MAN2A2: variants seen among roughly 807,000 people sequenced by gnomAD.
MAN2A2 encodes alpha-mannosidase 2x.
Under a neutral mutation model 126.8 loss-of-function variants are expected in MAN2A2, and 79 were observed. That is an observed-to-expected ratio of 0.62 (90% confidence interval 0.52 to 0.75). MAN2A2 has a LOEUF of 0.75. Ranked by LOEUF, MAN2A2 falls within the 30% of genes least tolerant of loss-of-function variation. The pLI, the probability that MAN2A2 is intolerant of heterozygous loss-of-function variation, is 0.00. For missense variants in MAN2A2, 1,392 were observed against 1,522.4 expected (o/e 0.91, Z 1.43); for synonymous variants, 671 against 618.7 (o/e 1.08, Z -1.25).
In MAN2A2 at chr15:90,911,467, C is replaced by A; in HGVS notation, c.2026C>A (p.Leu676Ile). The A allele has an allele frequency of 6.2e-7, 1 of 1,614,236 alleles. No homozygotes were observed. Among genetic ancestry groups the A allele is most frequent in the Non-Finnish European group, 8.5e-7 (1 of 1,180,050 alleles). Reference protein sequence around the residue: ...LLVNSPRVRVLSEEGQPLAVQ... With the variant: ...LLVNSPRVRVISEEGQPLAVQ... ...GGTCAACTCTCCCCGCGTGCGTGTC[C>A]TTTCGGAGGAGGGTCAGCCCCTGGC... The change falls in exon 14 of 23, where the codon CTT (leucine) becomes ATT (isoleucine). Residue 676 changes from leucine (L) to isoleucine (I), a missense_variant. Leu to Ile is a conservative substitution (Grantham distance 5). Coordinates refer to ENST00000559717, the MANE Select transcript of MAN2A2 (RefSeq NM_006122.4).
rs1194582249 is a variant in MAN2A2 at position 90,918,363 on chromosome 15, T to C, written c.3164T>C (p.Leu1055Pro). 1 of 1,613,990 alleles carries C rather than the reference T, an allele frequency of 6.2e-7. No individual in the cohort carries two copies. The highest frequency in any genetic ancestry group is 8.5e-7 in the Non-Finnish European group (1 of 1,179,984). The change falls in exon 21 of 23, where the codon CTC becomes CCC. Residue 1055 changes from leucine to proline, a missense_variant. Transcript: ENST00000559717. Reference protein sequence around the residue: ...ASSLPCDFHLLNLRTLQAEED... With the variant: ...ASSLPCDFHLPNLRTLQAEED... ...TCACTGCCCTGTGACTTCCACCTGC[T>C]CAACCTACGTACGCTCCAGGCTGAG...
chr15:90,902,827 C>T (rs908362033), upstream of MAN2A2: 12 of 146,532 alleles, frequency 8.2e-5, no homozygotes, highest in African/African-American at 2.2e-4. Flanking sequence ...GGGAGCGCGG[C>T]AGCGGCGCGC....
intron 2 of MAN2A2, 134 bp downstream of exon 2, chr15:90,904,473 C>G (rs2034096909): frequency 1.9e-6 from 2 of 1,026,168 alleles, no homozygotes; most frequent in Non-Finnish European, 2.7e-6. Flanking sequence ...GCCTTCCTTC[C>G]CAATAGTCAG....
rs775015931 is a variant in MAN2A2 at position 90,918,358 on chromosome 15, C to G, written c.3159C>G (p.His1053Gln). 1 of 1,614,170 alleles carries G rather than the reference C, an allele frequency of 6.2e-7. No homozygotes were observed. Among genetic ancestry groups the G allele is most frequent in the Non-Finnish European group, 8.5e-7 (1 of 1,180,012 alleles). Residue 1053 changes from histidine to glutamine, a missense_variant, in exon 21 of 23, where the codon CAC becomes CAG. By Grantham distance (24) the His-to-Gln change is conservative. Transcript: ENST00000559717. ...CTTCCTCACTGCCCTGTGACTTCCACCTGCTCAACCTACGTACGCTCCAGG... is the reference window on the plus strand; with the variant it reads ...CTTCCTCACTGCCCTGTGACTTCCAGCTGCTCAACCTACGTACGCTCCAGG... ...PLASSLPCDF[H>Q]LLNLRTLQAE...
At chr15:90,908,344 C>T (rs865817786) in intron 8 of MAN2A2, among the ~76,000 whole-genome samples, 4 of 152,294 alleles carry the variant, frequency 2.6e-5, no homozygotes, top group East Asian at 1.9e-4. Flanking sequence ...AAAGTACAAG[C>T]TGGGCCAGCG....
Position 90,906,027 on chromosome 15 carries a change from G to C in MAN2A2, c.707+11G>C. 2 of 1,613,462 alleles carry C rather than the reference G, an allele frequency of 1.2e-6. No homozygotes were observed. Among genetic ancestry groups the C allele is most frequent in the Non-Finnish European group, 1.7e-6 (2 of 1,179,990 alleles). ...AGCGGCAGTCCGAAGGCCAGTACCA[G>C]GCGGGGAGGCATGGGAGGGCATTGT... On this transcript the variant is annotated intron_variant, in intron 5 of 22. Transcript: ENST00000559717.
rs1248825792 is a variant in MAN2A2 at position 90,911,437 on chromosome 15, C to G, written c.1996C>G (p.Leu666Val). 8 of 1,614,246 alleles carry G rather than the reference C, an allele frequency of 5.0e-6. No individual in the cohort carries two copies. In the South Asian group the frequency reaches 7.7e-5, roughly 16 times the overall value. The part of the protein sequence containing the change: ...LEQERFSMVS[L>V]LVNSPRVRVL... ...ACAGGAGCGATTCAGCATGGTGTCCCTGCTGGTCAACTCTCCCCGCGTGCG... is the reference window on the plus strand; with the variant it reads ...ACAGGAGCGATTCAGCATGGTGTCCGTGCTGGTCAACTCTCCCCGCGTGCG... The change falls in exon 14 of 23, where the codon CTG becomes GTG. Residue 666 changes from leucine (L) to valine (V), a missense_variant. By Grantham distance (32) the Leu-to-Val change is conservative. Transcript: ENST00000559717.
rs2034796379 is a variant in MAN2A2 at position 90,912,101 on chromosome 15, G to T, written c.2168G>T (p.Gly723Val). 6.2e-7 allele frequency: 1 copy of T among 1,613,392 alleles called. No individual in the cohort carries two copies. The highest frequency in any genetic ancestry group is 1.3e-5 in the African/African-American group (1 of 75,022). The change falls in exon 15 of 23, where the codon GGC (glycine) becomes GTC (valine). Residue 723 changes from glycine to valine, a missense_variant. Gly to Val is a moderately radical substitution (Grantham distance 109). Transcript: ENST00000559717. ...CTGGGCGTGCTGCAGCTACAGCTGG[G>T]CCTGGATGGGCACCGCACGCTGCCC... The part of the protein sequence containing the change: ...LGLGVLQLQL[G>V]LDGHRTLPSS...
chr15:90,922,252 G>T lies in MAN2A2; in HGVS notation c.*2465G>T, dbSNP rs2035576027. The stretch of plus-strand genomic sequence containing the variant: ...TCAGGGTCCTTAGAGAAAGTCACTG[G>T]GGCCTGCCAAGCTGCCACCTAAAGA... On this transcript the variant is annotated 3_prime_UTR_variant, in exon 23 of 23. Coordinates refer to ENST00000559717, the MANE Select transcript of MAN2A2 (RefSeq NM_006122.4). 6.6e-6 allele frequency: 1 copy of T among 152,132 alleles called. No individual in the cohort carries two copies. Among genetic ancestry groups the T allele is most frequent in the African/African-American group, 2.4e-5 (1 of 41,412 alleles). 9.4% of individuals were successfully genotyped at this position (152,132 alleles called of 1,614,324 possible). A position where few individuals can be genotyped will look rare whatever the true frequency, so the allele number is the denominator to read the frequency against.
intron 7 of MAN2A2, 114 bp downstream of exon 7, chr15:90,907,027 T>C (rs2034353095): frequency 7.5e-7 from 1 of 1,330,890 alleles, no homozygotes; most frequent in Admixed American, 1.9e-5. Flanking sequence ...CAGGCACTGG[T>C]GTGGACTGCC....
Position 90,912,231 on chromosome 15 carries a change from C to T in MAN2A2, c.2298C>T (p.Ser766=), listed in dbSNP as rs1432285042. ...CTGGCACCAGCGACTTCGCCCTCAGCAACCGCTACATGCAGGTCTGGTTCT... is the reference window on the plus strand; with the variant it reads ...CTGGCACCAGCGACTTCGCCCTCAGTAACCGCTACATGCAGGTCTGGTTCT... The part of the protein sequence containing the change: ...IDSGTSDFAL[S]NRYMQVWFSG... Residue 766 remains serine (S), a synonymous_variant, in exon 15 of 23, where the codon AGC becomes AGT. Coordinates refer to ENST00000559717, the MANE Select transcript of MAN2A2 (RefSeq NM_006122.4). 6.2e-7 allele frequency: 1 copy of T among 1,614,240 alleles called. No homozygotes were observed. The highest frequency in any genetic ancestry group is 8.5e-7 in the Non-Finnish European group (1 of 1,180,048).
Position 90,913,678 on chromosome 15 carries a change from T to C in MAN2A2, c.2783T>C (p.Met928Thr), listed in dbSNP as rs1005329748. 6.8e-6 allele frequency: 11 copies of C among 1,611,408 alleles called. No individual in the cohort carries two copies. The highest frequency in any genetic ancestry group is 9.3e-6 in the Non-Finnish European group (11 of 1,178,946). ...LQANFYPMPV[M>T]AYIQDAQKRL... ...GCCAACTTCTACCCCATGCCAGTCA[T>C]GGCCTATATCCAGGACGCACAGAAG... The change falls in exon 19 of 23, where the codon ATG becomes ACG. Residue 928 changes from methionine to threonine, a missense_variant. Physicochemically the swap from Met to Thr is moderately conservative, Grantham distance 81. Coordinates refer to ENST00000559717, the MANE Select transcript of MAN2A2 (RefSeq NM_006122.4).
rs1266493 is a variant in MAN2A2 at position 90,911,594 on chromosome 15, G to A, written c.2109+44G>A. On this transcript the variant is annotated intron_variant, in intron 14 of 22. Transcript: ENST00000559717. ...AGGTGGGCCTGGCCCTCTGCCCGTC[G>A]TGGGCCCCTCCCCGCCCGGCGACGC... The A allele has an allele frequency of 2.3e-3, 3,609 of 1,567,426 alleles. 83 individuals are homozygous for A. The African/African-American group carries it at 0.043, about 19-fold the overall frequency.
rs199796420 is a variant in MAN2A2, at chr15:90,905,484, C to T, written c.366C>T (p.Gly122=). The T allele has an allele frequency of 9.3e-6, 15 of 1,613,870 alleles. No homozygotes were observed. Among genetic ancestry groups the T allele is most frequent in the Middle Eastern group, 1.6e-4 (1 of 6,082 alleles). ...AGGACTGCCAGTTTGCTTTGGGGGG[C>T]CGGGGTCAGAAGCCAGAGCTGCAGG... The part of the protein sequence containing the change: ...SPQDCQFALG[G]RGQKPELQML... Residue 122 remains glycine, a synonymous_variant, in exon 3 of 23, where the codon GGC becomes GGT. Coordinates refer to ENST00000559717, the MANE Select transcript of MAN2A2 (RefSeq NM_006122.4).
Position 90,905,840 on chromosome 15 carries a change from C to T in MAN2A2, c.536-5C>T, listed in dbSNP as rs1306355100. 1 of 1,573,404 alleles carries T rather than the reference C, an allele frequency of 6.4e-7. No individual in the cohort carries two copies. The highest frequency in any genetic ancestry group is 8.6e-7 in the Non-Finnish European group (1 of 1,159,082). On this transcript the variant is annotated splice_polypyrimidine_tract_variant and splice_region_variant and intron_variant, in intron 4 of 22. Transcript: ENST00000559717. ...TCCTCAGGGGACCCTACATTGGCTC[C>T]CTAGGCTGGATCAAGACCTTTGACA...
At chr15:90,910,731 A>G (rs2034660914) in intron 11 of MAN2A2, 48 bp downstream of exon 11, 2 of 1,608,704 alleles carry the variant, frequency 1.2e-6, no homozygotes. Context: ...TCACTGTCCC[A>G]AAGAAAGGAC....
At position 90,906,801 on chromosome 15, in the gene MAN2A2, C is replaced by T; in HGVS notation, c.897C>T (p.Tyr299=). The T allele has an allele frequency of 6.2e-7, 1 of 1,613,926 alleles. No individual in the cohort carries two copies. Among genetic ancestry groups the T allele is most frequent in the Non-Finnish European group, 8.5e-7 (1 of 1,179,992 alleles). Reference sequence around the variant, plus strand: ...TTGGATACAGCTCCACCATGCCTTACCTGCTGCGCCGTGCCAACCTCACCA... The same window carrying T: ...TTGGATACAGCTCCACCATGCCTTATCTGCTGCGCCGTGCCAACCTCACCA... ...DPFGYSSTMP[Y]LLRRANLTSM... Residue 299 remains tyrosine (Y), a synonymous_variant, in exon 7 of 23, where the codon TAC becomes TAT. Transcript: ENST00000559717.
Position 90,906,959 on chromosome 15 carries a change from C to T in MAN2A2, c.1009+46C>T, listed in dbSNP as rs369603351. ...GGGGGTTACTGCAGCATAGTCTTCA[C>T]TGGGGAACAGCAGGGATATCAGAAC... On this transcript the variant is annotated intron_variant, in intron 7 of 22. Transcript: ENST00000559717. 336 of 1,599,296 alleles carry T rather than the reference C, an allele frequency of 2.1e-4. 6 individuals are homozygous for T. In the South Asian group the frequency reaches 2.9e-3, roughly 14 times the overall value.
In MAN2A2 at chr15:90,913,375, G is replaced by T. The variant is rs1284252314; in HGVS notation, c.2687G>T (p.Gly896Val). ...LHIHTDIDSQ[G>V]IFFTDLNGFQ... ...ATCCATACAGACATCGACAGCCAGGGTATCTTCTTCACAGACCTCAATGGC... is the reference window on the plus strand; with the variant it reads ...ATCCATACAGACATCGACAGCCAGGTTATCTTCTTCACAGACCTCAATGGC... The change falls in exon 18 of 23, where the codon GGT becomes GTT. Residue 896 changes from glycine to valine, a missense_variant. Coordinates refer to ENST00000559717, the MANE Select transcript of MAN2A2 (RefSeq NM_006122.4). 2 of 1,600,908 alleles carry T rather than the reference G, an allele frequency of 1.2e-6. No individual in the cohort carries two copies. The highest frequency in any genetic ancestry group is 1.7e-6 in the Non-Finnish European group (2 of 1,168,050).
Sources: gnomAD v4.1 joint callset for allele counts (sites outside exome capture counted in the v4.1 genomes callset) on GRCh38, gnomAD v4.1.1 for gene constraint, MANE v1.5 for transcripts, NCBI Gene and HGNC (gene_info 2026-07-23, HGNC 2026-07-21) for gene names.